SMN2: variants seen among roughly 807,000 people sequenced by gnomAD.
SMN2 encodes the protein survival of motor neuron 2, centromeric.
A neutral mutation model predicts 2.8 loss-of-function variants in SMN2; 1 was observed. That is an observed-to-expected ratio of 0.35 (90% CI 0.13 to 1.68). SMN2 has a LOEUF of 1.68. SMN2 is among the 40% of genes most tolerant of loss of function. The probability of loss-of-function intolerance (pLI) is 0.35; values close to 1 mark genes in which losing one functional copy is unlikely to be tolerated. For synonymous variants in SMN2, 5 were observed against 5.0 expected (o/e 0.99, Z 0.01); for missense variants, 12 against 16.9 (o/e 0.71, Z 0.51).
At chr5:70,083,991 TAAAAA>T in the SMN2 span, among the ~76,000 whole-genome samples, 1 of 98,654 alleles carries the variant, frequency 1.0e-5, no homozygotes, top group East Asian at 2.7e-4. Flanking sequence ...ATTAAAAATT[TAAAAA>T]AAAGCTCTCA....
intron 7 of SMN2, among the ~76,000 whole-genome samples, chr5:70,074,651 AAAAAAT>A (rs1774685444): frequency 1.6e-5 from 2 of 127,406 alleles, no homozygotes; most frequent in Non-Finnish European, 3.4e-5. Flanking sequence ...CTCAAAAAAA[AAAAAAT>A]AAGGTATAAG....
Position 70,076,869 on chromosome 5 carries a change from CTTTTTT to C in SMN2, c.*4-147_*4-142del, listed in dbSNP as rs942673049. 9.7e-6 allele frequency: 10 copies of C among 1,035,398 alleles called. No individual in the cohort carries two copies. In the South Asian group the frequency reaches 1.8e-4, roughly 18 times the overall value. 64.1% of individuals were successfully genotyped at this position (1,035,398 alleles called of 1,614,324 possible). On this transcript the variant is annotated intron_variant, in intron 8 of 8. Coordinates refer to ENST00000380743, the MANE Select transcript of SMN2 (RefSeq NM_017411.4). ...TATCACTAGTAGGCAGACCAGCAGA[CTTTTTT>C]TTATTGTGATATGGGATAACCTAGG... is the stretch of plus-strand genomic sequence containing the variant.
chr5:70,079,503 C>A (rs1287481021), downstream of SMN2, among the ~76,000 whole-genome samples: 1 of 146,914 alleles, frequency 6.8e-6, no homozygotes, highest in Non-Finnish European at 1.5e-5. Context: ...CACCTGTAAT[C>A]CCAGCATTTT....
Position 70,071,088 on chromosome 5 carries a change from CTTTTTTTT to C in SMN2, c.834+352_834+359del, listed in dbSNP as rs1164147978. ...TTTTTCATAAATGAAAAATGAAATT[CTTTTTTTT>C]TTTTTTTTTTTTTTGAGACGGAGTC... On this transcript the variant is annotated intron_variant, in intron 7 of 8. Coordinates refer to ENST00000380743, the MANE Select transcript of SMN2 (RefSeq NM_017411.4). 6 of 52,078 alleles carry C rather than the reference CTTTTTTTT, an allele frequency of 1.2e-4. No homozygotes were observed. The East Asian group carries it at 2.5e-3, about 21-fold the overall frequency. 3.2% of individuals were successfully genotyped at this position (52,078 alleles called of 1,614,324 possible). A position where few individuals can be genotyped will look rare whatever the true frequency, so the allele number is the denominator to read the frequency against.
At chr5:70,084,665 CTTA>C in the SMN2 span, among the ~76,000 whole-genome samples, 62 of 137,818 alleles carry the variant, frequency 4.5e-4, 14 homozygotes, top group Admixed American at 2.6e-3. Context: ...ACATTTTTAT[CTTA>C]TTGTGAAGTT....
downstream of SMN2, among the ~76,000 whole-genome samples, chr5:70,079,820 T>C (rs1175074241): frequency 9.2e-5 from 1 of 10,892 alleles, no homozygotes; most frequent in Non-Finnish European, 1.4e-4. Flanking sequence ...TTCTGTACAC[T>C]TTTTTTTTTT....
At chr5:70,084,855 T>C in the SMN2 span, among the ~76,000 whole-genome samples, 1 of 135,916 alleles carries the variant, frequency 7.4e-6, no homozygotes. Flanking sequence ...TGCTAAAATT[T>C]ATTTGTAACC....
At chr5:70,076,812 A>G in intron 8 of SMN2, 1 of 1,320,632 alleles carries the variant, frequency 7.6e-7, no homozygotes, top group South Asian at 1.5e-5. Flanking sequence ...ATACTTTCAC[A>G]ATAAAGAGCT....
chr5:70,079,435 A>C (rs1228876270), downstream of SMN2, among the ~76,000 whole-genome samples: 2 of 148,848 alleles, frequency 1.3e-5, no homozygotes, highest in Non-Finnish European at 3.0e-5. Flanking sequence ...CCGTCTCAAA[A>C]AAAAAAAAAA....
chr5:70,079,800 G>A (rs1489177277), downstream of SMN2, among the ~76,000 whole-genome samples: 1 of 93,616 alleles, frequency 1.1e-5, no homozygotes, highest in African/African-American at 5.6e-5. Context: ...AAAAACAAGA[G>A]CAACTCTGCT....
rs1308451064 is a variant in SMN2 at position 70,076,473 on chromosome 5, C to T, written c.835-48C>T. On this transcript the variant is annotated intron_variant, in intron 7 of 8. Coordinates refer to ENST00000380743, the MANE Select transcript of SMN2 (RefSeq NM_017411.4). Reference sequence around the variant, plus strand: ...TATAAAGCTATCTATATATAGCTATCTATATCTATATAGCTATTTTTTTTA... The same window carrying T: ...TATAAAGCTATCTATATATAGCTATTTATATCTATATAGCTATTTTTTTTA... 16 of 1,203,686 alleles carry T rather than the reference C, an allele frequency of 1.3e-5. 1 individual carries two copies. The highest frequency in any genetic ancestry group is 1.9e-5 in the Non-Finnish European group (16 of 850,296). The allele number at this position is 1,203,686 out of a possible 1,614,324, so 74.6% of individuals were successfully genotyped here. A position where few individuals can be genotyped will look rare whatever the true frequency, so the allele number is the denominator to read the frequency against.
chr5:70,083,988 A>T, the SMN2 span, among the ~76,000 whole-genome samples: 1 of 102,106 alleles, frequency 9.8e-6, no homozygotes, highest in South Asian at 3.0e-4. Context: ...AAAATTAAAA[A>T]TTTAAAAAAA....
intron 7 of SMN2, among the ~76,000 whole-genome samples, chr5:70,075,013 T>C (rs1774702009): frequency 8.1e-6 from 1 of 123,468 alleles, no homozygotes; most frequent in South Asian, 2.5e-4. Context: ...GGAAGAAAAA[T>C]ATTTTTTTAA....
chr5:70,085,335 G>A, the SMN2 span, among the ~76,000 whole-genome samples: 1 of 132,696 alleles, frequency 7.5e-6, no homozygotes, highest in Admixed American at 7.6e-5. Flanking sequence ...TCCTCCTCCC[G>A]GGTTCAAACG....
intron 7 of SMN2, chr5:70,071,114 A>G (rs1774578888): frequency 5.6e-6 from 1 of 180,008 alleles, no homozygotes; most frequent in African/African-American, 2.8e-5. Context: ...TTTTTTTGAG[A>G]CGGAGTCTTG....
downstream of SMN2, among the ~76,000 whole-genome samples, chr5:70,079,431 CAAAA>C (rs58866189): frequency 3.6e-4 from 37 of 103,858 alleles, no homozygotes; most frequent in Non-Finnish European, 5.0e-4. Flanking sequence ...GACTCCGTCT[CAAAA>C]AAAAAAAAAA....
At chr5:70,085,298 A>T in the SMN2 span, among the ~76,000 whole-genome samples, 30 of 128,826 alleles carry the variant, frequency 2.3e-4, 3 homozygotes, top group Admixed American at 4.7e-4. Flanking sequence ...CTGGAGTGCA[A>T]TGGCATAATC....
rs1232674170 is a variant in SMN2, at chr5:70,075,960, T to A, written c.835-561T>A. Reference sequence around the variant, plus strand: ...CCTCCGCCTCCTGGGTTCAAGTGATTCTCCTGCCTCAACCTCCCAAGTAGC... The same window carrying A: ...CCTCCGCCTCCTGGGTTCAAGTGATACTCCTGCCTCAACCTCCCAAGTAGC... On this transcript the variant is annotated intron_variant, in intron 7 of 8. Transcript: ENST00000380743. Among the ~76,000 whole-genome samples the A allele has an allele frequency of 1.6e-5, 2 of 125,388 alleles. 1 individual carries two copies. Among genetic ancestry groups the A allele is most frequent in the Non-Finnish European group, 3.3e-5 (2 of 60,990 alleles). The allele number at this position is 125,388 out of a possible 152,430, so 82.3% of individuals were successfully genotyped here.
At chr5:70,083,729 A>G in the SMN2 span, among the ~76,000 whole-genome samples, 1 of 129,782 alleles carries the variant, frequency 7.7e-6, no homozygotes. Flanking sequence ...GCATGTTCTC[A>G]CTCATAGGTG....
Sources: allele counts gnomAD v4.1 joint callset (sites outside exome capture counted in the v4.1 genomes callset), GRCh38; gene constraint gnomAD v4.1.1; transcripts MANE v1.5; gene names NCBI Gene and HGNC (gene_info 2026-07-23, HGNC 2026-07-21).